TRMT11: variants seen among roughly 807,000 people sequenced by gnomAD.
The protein encoded by TRMT11 is tRNA (guanine(10)-N(2))-methyltransferase TRMT11.
TRMT11 carries 53 observed loss-of-function variants against 62.8 expected under a neutral mutation model. The ratio of observed to expected loss-of-function variants is 0.84; its 90% CI spans 0.68 to 1.06. The LOEUF (loss-of-function observed/expected upper bound fraction) is 1.06, where lower values mean the gene tolerates loss of function less well. Ranked by LOEUF, TRMT11 falls within the 50% of genes least tolerant of loss-of-function variation. The pLI is 0.00. For synonymous variants in TRMT11, 188 were observed against 190.3 expected (o/e 0.99, Z 0.10); for missense variants, 556 against 553.4 (o/e 1.00, Z -0.05).
chr6:125,996,367 A>G (rs996049448), intron 3 of TRMT11, among the ~76,000 whole-genome samples: 8 of 152,216 alleles, frequency 5.3e-5, no homozygotes, highest in Admixed American at 3.3e-4. Flanking sequence ...TGAAAATCCA[A>G]AAATACTTTT....
At position 125,996,024 on chromosome 6, in the gene TRMT11, C is replaced by T. The variant is rs761587756; in HGVS notation, c.196C>T (p.Arg66Trp). ...AGATATTGCAAGAAATTTGATGAAA[C>T]GGACAGTGTGTGCCAAGTAAGAGAA... The part of the protein sequence containing the change: ...SEDIARNLMK[R>W]TVCAKSIFEL... The change falls in exon 3 of 13, where the codon CGG becomes TGG. Residue 66 changes from arginine (R) to tryptophan (W), a missense_variant. Arg to Trp is a moderately radical substitution (Grantham distance 101). Coordinates refer to ENST00000334379, the MANE Select transcript of TRMT11 (RefSeq NM_001031712.3). The T allele has an allele frequency of 1.4e-5, 22 of 1,610,240 alleles. No individual in the cohort carries two copies. The highest frequency in any genetic ancestry group is 5.5e-5 in the South Asian group (5 of 91,010).
At chr6:126,088,255 C>T (rs911755810) in intron 17 of TRMT11, among the ~76,000 whole-genome samples, 7 of 152,028 alleles carry the variant, frequency 4.6e-5, no homozygotes, top group African/African-American at 1.7e-4. Flanking sequence ...TTAATGGAAA[C>T]AAAAATCAGA....
intron 12 of TRMT11, among the ~76,000 whole-genome samples, chr6:126,027,246 T>C (rs1362028158): frequency 6.6e-6 from 1 of 152,120 alleles, no homozygotes; most frequent in Non-Finnish European, 1.5e-5. Flanking sequence ...ATCTCCAGAG[T>C]TGTCCACAAC....
the TRMT11 span, among the ~76,000 whole-genome samples, chr6:126,248,048 A>G: frequency 6.6e-6 from 1 of 152,108 alleles, no homozygotes; most frequent in Admixed American, 6.6e-5. Flanking sequence ...CGTATGCTTG[A>G]AAACTGAGAT....
intron 17 of TRMT11, among the ~76,000 whole-genome samples, chr6:126,078,959 A>G (rs1777097536): frequency 6.6e-6 from 1 of 152,208 alleles, no homozygotes; most frequent in Non-Finnish European, 1.5e-5. Flanking sequence ...AATTCTCATG[A>G]TAACCCTTTC....
At chr6:126,141,046 G>A (rs1205863466) in intron 21 of TRMT11, among the ~76,000 whole-genome samples, 1 of 152,018 alleles carries the variant, frequency 6.6e-6, no homozygotes, top group East Asian at 1.9e-4. Flanking sequence ...TACAACATTT[G>A]TGTGTGTTAA....
intron 16 of TRMT11, among the ~76,000 whole-genome samples, chr6:126,051,503 T>G (rs577753001): frequency 6.6e-6 from 1 of 152,298 alleles, no homozygotes; most frequent in African/African-American, 2.4e-5. Context: ...TTATCAGACT[T>G]GGTCAGGCCA....
chr6:125,997,787 G>A (rs148352852), intron 3 of TRMT11, among the ~76,000 whole-genome samples: 116 of 152,314 alleles, frequency 7.6e-4, no homozygotes, highest in Non-Finnish European at 9.4e-4. Context: ...GGGATTACAG[G>A]CGTTAACCAC....
At chr6:126,028,817 A>C (rs1773655750) in intron 12 of TRMT11, among the ~76,000 whole-genome samples, 1 of 152,148 alleles carries the variant, frequency 6.6e-6, no homozygotes, top group Admixed American at 6.5e-5. Context: ...CCTGCATCTT[A>C]TGGTTCTGTT....
At chr6:126,173,794 C>T (rs1778355641), upstream of TRMT11, among the ~76,000 whole-genome samples, 1 of 152,198 alleles carries the variant, frequency 6.6e-6, no homozygotes, top group South Asian at 2.1e-4. Flanking sequence ...ATATGCCCAA[C>T]CTGGAAACCA....
intron 21 of TRMT11, among the ~76,000 whole-genome samples, chr6:126,156,525 T>A (rs1422732317): frequency 6.6e-6 from 1 of 152,198 alleles, no homozygotes; most frequent in East Asian, 1.9e-4. Flanking sequence ...TCAGTACTAG[T>A]TTTATGTATT....
the TRMT11 span, among the ~76,000 whole-genome samples, chr6:126,225,909 C>A: frequency 6.6e-6 from 1 of 152,038 alleles, no homozygotes; most frequent in Middle Eastern, 3.4e-3. Context: ...AGAGTACTCA[C>A]GAACTACTGA....
intron 21 of TRMT11, among the ~76,000 whole-genome samples, chr6:126,166,376 C>G (rs990846202): frequency 6.6e-6 from 1 of 151,810 alleles, no homozygotes; most frequent in Admixed American, 6.5e-5. Flanking sequence ...TTTTTTCCTT[C>G]TAATAGTCAG....
intron 21 of TRMT11, among the ~76,000 whole-genome samples, chr6:126,159,635 C>T (rs1778166497): frequency 6.6e-6 from 1 of 152,164 alleles, no homozygotes; most frequent in Admixed American, 6.5e-5. Flanking sequence ...TGCCATAACA[C>T]AGTATTATTA....
chr6:126,004,915 T>C (rs1001796108), intron 7 of TRMT11, among the ~76,000 whole-genome samples: 1 of 152,102 alleles, frequency 6.6e-6, no homozygotes, highest in Non-Finnish European at 1.5e-5. Flanking sequence ...AGAATGACAT[T>C]ATGAGCGGCA....
chr6:126,157,347 A>G (rs982656276), intron 21 of TRMT11, among the ~76,000 whole-genome samples: 2 of 152,204 alleles, frequency 1.3e-5, no homozygotes, highest in Non-Finnish European at 2.9e-5. Flanking sequence ...TGGCTTTTAT[A>G]TACAAATACT....
chr6:126,111,682 G>A (rs1777533710), intron 17 of TRMT11, among the ~76,000 whole-genome samples: 1 of 152,038 alleles, frequency 6.6e-6, no homozygotes, highest in African/African-American at 2.4e-5. Flanking sequence ...GGTTTGAAGG[G>A]CACATCATTC....
chr6:126,158,292 C>T (rs1227608919), intron 21 of TRMT11, among the ~76,000 whole-genome samples: 1 of 152,146 alleles, frequency 6.6e-6, no homozygotes, highest in Admixed American at 6.5e-5. Flanking sequence ...GACTGTTTGA[C>T]CTGTAAAGTT....
At chr6:126,143,937 A>C (rs1777946695) in intron 21 of TRMT11, among the ~76,000 whole-genome samples, 1 of 152,220 alleles carries the variant, frequency 6.6e-6, no homozygotes. Flanking sequence ...CCATCTAGAC[A>C]GAAAGTGAGG....
Sources: allele counts gnomAD v4.1 joint callset (sites outside exome capture counted in the v4.1 genomes callset), GRCh38; gene constraint gnomAD v4.1.1; transcripts MANE v1.5; gene names NCBI Gene and HGNC (gene_info 2026-07-23, HGNC 2026-07-21).